Variants in ACACA observed in about 807,000 individuals in gnomAD.
ACACA encodes the protein acetyl-CoA carboxylase alpha, also known as acetyl-CoA carboxylase 1.
ACACA carries 103 observed loss-of-function variants against 296.1 expected under a neutral mutation model. The ratio of observed to expected loss-of-function variants is 0.35; its 90% CI spans 0.30 to 0.41. The LOEUF is 0.41. Among genes scored for constraint, ACACA ranks in the 10% least tolerant of loss-of-function variants. The pLI is 1.00. For missense variants in ACACA, 1,554 were observed against 2,989.7 expected (o/e 0.52, Z 11.20); for synonymous variants, 953 against 1,038.6 (o/e 0.92, Z 1.58).
At chr17:37,308,355 A>G (rs556920278) in intron 3 of ACACA, among the ~76,000 whole-genome samples, 2 of 152,336 alleles carry the variant, frequency 1.3e-5, no homozygotes, top group South Asian at 4.1e-4. Context: ...CAACAAAGCC[A>G]GAAGTTAATT....
In ACACA at chr17:37,161,940, A is replaced by G; in HGVS notation, c.5190T>C (p.Pro1730=). Reference sequence around the variant, plus strand: ...CTCTGAGAAATAACAAATCCTCTTGAGGCCCAAAGGACCCAATTCGGTATG... The same window carrying G: ...CTCTGAGAAATAACAAATCCTCTTGGGGCCCAAAGGACCCAATTCGGTATG... ...DITYRIGSFG[P]QEDLLFLRAS... The change falls in exon 42 of 56, where the codon CCT becomes CCC. Residue 1730 remains proline, a synonymous_variant. Transcript: ENST00000616317. 6.2e-7 allele frequency: 1 copy of G among 1,614,202 alleles called. No homozygotes were observed. The highest frequency in any genetic ancestry group is 2.2e-5 in the East Asian group (1 of 44,888).
intron 50 of ACACA, among the ~76,000 whole-genome samples, chr17:37,119,808 C>G (rs1030378180): frequency 6.6e-6 from 1 of 152,054 alleles, no homozygotes; most frequent in Non-Finnish European, 1.5e-5. Context: ...GGTGCTTCTG[C>G]CCTAAGCTAT....
chr17:37,111,501 T>C (rs368481786), intron 52 of ACACA, 30 bp downstream of exon 52: 685 of 1,539,178 alleles, frequency 4.5e-4, no homozygotes, highest in Non-Finnish European at 5.8e-4. Context: ...GAATGGCTCA[T>C]TGATTTGCCA....
intron 1 of ACACA, chr17:37,388,625 C>T: frequency 6.3e-7 from 1 of 1,584,926 alleles, no homozygotes; most frequent in Non-Finnish European, 8.6e-7. Context: ...TCTTTCCTCT[C>T]TCAAATTTTC....
At chr17:37,305,732 A>T (rs544413455) in intron 3 of ACACA, among the ~76,000 whole-genome samples, 2 of 152,176 alleles carry the variant, frequency 1.3e-5, no homozygotes, top group African/African-American at 4.8e-5. Context: ...CCACCACCCA[A>T]ACTGAGTAAA....
chr17:37,324,435 T>C (rs528867748), intron 3 of ACACA, among the ~76,000 whole-genome samples: 5 of 150,392 alleles, frequency 3.3e-5, no homozygotes, highest in African/African-American at 1.2e-4. Context: ...TTTGGGAGGC[T>C]GAGGCGGGCG....
At position 37,087,162 on chromosome 17, in the gene ACACA, G is replaced by T; in HGVS notation, c.*154C>A. On this transcript the variant is annotated 3_prime_UTR_variant, in exon 56 of 56. Coordinates refer to ENST00000616317, the MANE Select transcript of ACACA (RefSeq NM_198834.3). ...GGGATTCTGTGATCTTACATCCCAG[G>T]ATGTCATGCATAACCTGAAACGAGA... The T allele has an allele frequency of 9.9e-7, 1 of 1,009,400 alleles. No individual in the cohort carries two copies. The highest frequency in any genetic ancestry group is 1.5e-6 in the Non-Finnish European group (1 of 666,426). The allele number at this position is 1,009,400 out of a possible 1,614,324, so 62.5% of individuals were successfully genotyped here.
At chr17:37,302,800 G>C (rs2083691274) in intron 3 of ACACA, among the ~76,000 whole-genome samples, 1 of 152,098 alleles carries the variant, frequency 6.6e-6, no homozygotes, top group South Asian at 2.1e-4. Flanking sequence ...CTGTGATCTT[G>C]ATAAACTCAT....
chr17:37,151,028 G>A (rs2076017213), intron 44 of ACACA, among the ~76,000 whole-genome samples: 1 of 151,626 alleles, frequency 6.6e-6, no homozygotes, highest in African/African-American at 2.4e-5. Context: ...CTCCAGCCTG[G>A]TGACAGGGCG....
chr17:37,104,394 T>TTTTA (rs1208791903), intron 52 of ACACA, among the ~76,000 whole-genome samples: 1 of 152,208 alleles, frequency 6.6e-6, no homozygotes, highest in Non-Finnish European at 1.5e-5. Flanking sequence ...TTAAAGTACT[T>TTTTA]TTTATCTCAT....
At chr17:37,142,082 A>G (rs1222415941) in intron 45 of ACACA, among the ~76,000 whole-genome samples, 1 of 151,910 alleles carries the variant, frequency 6.6e-6, no homozygotes, top group Non-Finnish European at 1.5e-5. Context: ...AGGTTGTCAA[A>G]CATGATAATT....
intron 29 of ACACA, among the ~76,000 whole-genome samples, chr17:37,213,507 A>C (rs1302831354): frequency 1.3e-5 from 2 of 152,174 alleles, no homozygotes; most frequent in Non-Finnish European, 2.9e-5. Flanking sequence ...ACATTTGATG[A>C]ATATTAGAAC....
chr17:37,152,535 C>T (rs1350403306), intron 43 of ACACA, among the ~76,000 whole-genome samples: 5 of 152,020 alleles, frequency 3.3e-5, no homozygotes, highest in Non-Finnish European at 7.4e-5. Flanking sequence ...CTGGATATGT[C>T]CTCTGGAGGG....
At chr17:37,325,216 A>C (rs1040327807) in intron 3 of ACACA, among the ~76,000 whole-genome samples, 1 of 151,336 alleles carries the variant, frequency 6.6e-6, no homozygotes, top group Non-Finnish European at 1.5e-5. Flanking sequence ...AAAAAAAAAA[A>C]TTAGTGCGGC....
At chr17:37,133,290 G>C (rs111868590) in intron 45 of ACACA, among the ~76,000 whole-genome samples, 3,243 of 152,290 alleles carry the variant, frequency 0.021, 61 homozygotes, top group Non-Finnish European at 0.031. Flanking sequence ...GTACCCTCCA[G>C]TTCATCTTCA....
At chr17:37,291,137 A>AACACACACACACACACAC (rs1487554527) in intron 3 of ACACA, among the ~76,000 whole-genome samples, 4 of 81,212 alleles carry the variant, frequency 4.9e-5, no homozygotes, top group African/African-American at 2.3e-4. Context: ...GCTGATGAAA[A>AACACACACACACACACAC]ACACATACAC....
chr17:37,359,554 T>G (rs1167358420), intron 1 of ACACA, among the ~76,000 whole-genome samples: 1 of 151,862 alleles, frequency 6.6e-6, no homozygotes, highest in African/African-American at 2.4e-5. Context: ...GGGGAAGCGG[T>G]CCCGCATGCG....
At chr17:37,105,418 A>G (rs2099003600) in intron 52 of ACACA, among the ~76,000 whole-genome samples, 1 of 152,226 alleles carries the variant, frequency 6.6e-6, no homozygotes, top group South Asian at 2.1e-4. Context: ...CAGAGGTTGC[A>G]GTGAGCCAAA....
intron 1 of ACACA, chr17:37,389,388 T>C (rs2050689868): frequency 2.6e-6 from 4 of 1,557,460 alleles, no homozygotes; most frequent in Non-Finnish European, 3.5e-6. Context: ...GTGGTTTATG[T>C]CATTTGCTTA....
Sources: gnomAD v4.1 joint callset for allele counts (sites outside exome capture counted in the v4.1 genomes callset) on GRCh38, gnomAD v4.1.1 for gene constraint, MANE v1.5 for transcripts, NCBI Gene and HGNC (gene_info 2026-07-23, HGNC 2026-07-21) for gene names.